NADK: variants seen among roughly 807,000 people sequenced by gnomAD.
The protein encoded by NADK is NAD kinase.
Under a neutral mutation model 49.8 loss-of-function variants are expected in NADK, and 22 were observed. The ratio of observed to expected loss-of-function variants is 0.44; its 90% CI spans 0.32 to 0.63. The LOEUF (loss-of-function observed/expected upper bound fraction) is 0.63, where lower values mean the gene tolerates loss of function less well. Ranked by LOEUF, NADK falls within the 30% of genes least tolerant of loss-of-function variation. The probability of loss-of-function intolerance (pLI) is 0.06; values close to 1 mark genes in which losing one functional copy is unlikely to be tolerated. For synonymous variants in NADK, 268 were observed against 253.7 expected, an observed-to-expected ratio of 1.06 and a Z score of -0.54; for missense variants, 438 against 609.4, an observed-to-expected ratio of 0.72 and a Z score of 2.96.
rs1645460671 is a variant in NADK at position 1,754,861 on chromosome 1, A to G, written c.689-163T>C. On this transcript the variant is annotated intron_variant, in intron 7 of 11. Coordinates refer to ENST00000341426, the MANE Select transcript of NADK (RefSeq NM_023018.5). The surrounding 1 kb of genome is among the most constrained non-coding windows in gnomAD (Gnocchi z 4.3). ...TTTTGAGATGGAGTCTCACTCTGTCACCCAGGCTGGAATGCAGTGGTGTGA... is the reference window on the plus strand; with the variant it reads ...TTTTGAGATGGAGTCTCACTCTGTCGCCCAGGCTGGAATGCAGTGGTGTGA... The G allele has an allele frequency of 6.1e-6, 4 of 661,026 alleles. No individual in the cohort carries two copies. Among genetic ancestry groups the G allele is most frequent in the Non-Finnish European group, 7.4e-6 (3 of 403,400 alleles). 40.9% of individuals were successfully genotyped at this position (661,026 alleles called of 1,614,324 possible). A position where few individuals can be genotyped will look rare whatever the true frequency, so the allele number is the denominator to read the frequency against.
intron 1 of NADK, among the ~76,000 whole-genome samples, chr1:1,776,728 G>T (rs1570595875): frequency 7.2e-6 from 1 of 139,310 alleles, no homozygotes; most frequent in South Asian, 2.4e-4. Flanking sequence ...AGCCGAGATT[G>T]TGCCACTGCA....
At chr1:1,756,862 G>A (rs375539203) in intron 4 of NADK, 26 of 814,392 alleles carry the variant, frequency 3.2e-5, no homozygotes, top group African/African-American at 8.3e-5. Flanking sequence ...CCTGGGCGCC[G>A]CAACCCCCAC....
At chr1:1,773,676 TTGTGTG>T (rs57063985) in intron 1 of NADK, among the ~76,000 whole-genome samples, 14,211 of 116,526 alleles carry the variant, frequency 0.12, 946 homozygotes, top group South Asian at 0.22. Context: ...AAGCTCTATT[TTGTGTG>T]TGTGTGTGTG....
At chr1:1,759,894 G>C in intron 3 of NADK, 1 of 1,550,680 alleles carries the variant, frequency 6.4e-7, no homozygotes, top group South Asian at 1.2e-5. Context: ...GAGTGACAAA[G>C]GAGTGGCTCT....
In NADK at chr1:1,754,034, G is replaced by C; in HGVS notation, c.1101+17C>G. 6.4e-7 allele frequency: 1 copy of C among 1,556,148 alleles called. No homozygotes were observed. Reference sequence around the variant, plus strand: ...AAATGACTCACAAACCGGAAAAGGAGTGTCGTTGGCTCTGACCTTCAGCTC... The same window carrying C: ...AAATGACTCACAAACCGGAAAAGGACTGTCGTTGGCTCTGACCTTCAGCTC... On this transcript the variant is annotated intron_variant, in intron 10 of 11. Transcript: ENST00000341426. This position sits in a 1 kb window ranked among gnomAD's most constrained non-coding sequence, Gnocchi z 4.3.
intron 1 of NADK, among the ~76,000 whole-genome samples, chr1:1,768,861 A>G (rs1156542022): frequency 1.3e-5 from 2 of 152,202 alleles, no homozygotes; most frequent in East Asian, 3.8e-4. Flanking sequence ...TTCAGGAACT[A>G]TGGACACAAG....
At chr1:1,762,168 G>A (rs1259615673) in intron 2 of NADK, 133 bp from the exon 3 acceptor site, 2 of 742,328 alleles carry the variant, frequency 2.7e-6, no homozygotes, top group Non-Finnish European at 4.5e-6. Flanking sequence ...CTGCCCAGCA[G>A]CCACACAATA....
At chr1:1,755,580 A>G (rs1570507542) in intron 6 of NADK, 104 bp from the exon 7 acceptor site, 2 of 831,520 alleles carry the variant, frequency 2.4e-6, no homozygotes, top group Admixed American at 3.9e-5. Flanking sequence ...TGGGGACAGC[A>G]CCCCGACCCT....
chr1:1,760,031 T>C, intron 3 of NADK: 1 of 991,404 alleles, frequency 1.0e-6, no homozygotes, highest in Non-Finnish European at 1.5e-6. Context: ...AGTGGAGCAC[T>C]CTGGGTCACC....
intron 1 of NADK, among the ~76,000 whole-genome samples, chr1:1,767,525 A>G (rs1645923752): frequency 6.6e-6 from 1 of 152,218 alleles, no homozygotes; most frequent in African/African-American, 2.4e-5. Flanking sequence ...GCACAGAAAC[A>G]ATAAAAATCA....
Position 1,752,422 on chromosome 1 carries a change from G to C in NADK, c.*482C>G, listed in dbSNP as rs1645354272. On this transcript the variant is annotated 3_prime_UTR_variant, in exon 12 of 12. Transcript: ENST00000341426. The stretch of plus-strand genomic sequence containing the variant: ...CCTTGCCAGCCACTGGCAAGACCAT[G>C]CTTTCAATGGCGCCTCCGCCAGGGG... 1 of 154,312 alleles carries C rather than the reference G, an allele frequency of 6.5e-6. No individual in the cohort carries two copies. 9.6% of individuals were successfully genotyped at this position (154,312 alleles called of 1,614,324 possible).
At chr1:1,770,043 T>C (rs921724132) in intron 1 of NADK, among the ~76,000 whole-genome samples, 1 of 151,940 alleles carries the variant, frequency 6.6e-6, no homozygotes, top group Non-Finnish European at 1.5e-5. Context: ...GGTGGGCACC[T>C]GTAACTCCAG....
intron 6 of NADK, 186 bp downstream of exon 6, chr1:1,756,072 C>T (rs1645509726): frequency 1.6e-6 from 1 of 632,458 alleles, no homozygotes; most frequent in African/African-American, 1.8e-5. Context: ...AGCACTGTGT[C>T]CACACTGCCC....
chr1:1,768,686 A>G (rs1222511037), intron 1 of NADK, among the ~76,000 whole-genome samples: 1 of 152,156 alleles, frequency 6.6e-6, no homozygotes, highest in East Asian at 1.9e-4. Context: ...CGATGAACCA[A>G]ATTAGCTGGG....
intron 3 of NADK, 51 bp downstream of exon 3, chr1:1,761,900 TA>T: frequency 6.4e-7 from 1 of 1,551,292 alleles, no homozygotes; most frequent in Non-Finnish European, 8.9e-7. Context: ...CATGATGGTC[TA>T]GGGGTTCTCT....
chr1:1,761,648 T>C (rs1413286950), intron 3 of NADK: 1 of 307,520 alleles, frequency 3.3e-6, no homozygotes, highest in Non-Finnish European at 6.4e-6. Flanking sequence ...TGTGACCCGG[T>C]CTCCAGGCCC....
intron 3 of NADK, chr1:1,761,579 T>A (rs1464976629): frequency 4.7e-6 from 1 of 211,246 alleles, no homozygotes; most frequent in Non-Finnish European, 9.9e-6. Context: ...TCACTCACTC[T>A]TAAAGAAACA....
Position 1,752,840 on chromosome 1 carries a change from T to C in NADK, c.*64A>G, listed in dbSNP as rs1645367294. The C allele has an allele frequency of 1.3e-6, 2 of 1,541,824 alleles. No homozygotes were observed. The highest frequency in any genetic ancestry group is 1.8e-6 in the Non-Finnish European group (2 of 1,133,682). On this transcript the variant is annotated 3_prime_UTR_variant, in exon 12 of 12. Coordinates refer to ENST00000341426, the MANE Select transcript of NADK (RefSeq NM_023018.5). The stretch of plus-strand genomic sequence containing the variant: ...CAGGCGGTCACAGACACACGCAGAT[T>C]GGTCTGTCCCCAGAGGGCGCTTGGA...
At position 1,754,538 on chromosome 1, in the gene NADK, A is replaced by G. The variant is rs1208957208; in HGVS notation, c.843+6T>C. On this transcript the variant is annotated splice_donor_region_variant and intron_variant, in intron 8 of 11. Transcript: ENST00000341426. The surrounding 1 kb of genome is among the most constrained non-coding windows in gnomAD (Gnocchi z 4.3). The stretch of plus-strand genomic sequence containing the variant: ...CCCTCACCGAGGCCGAGGCGCCTCC[A>G]CTCACCTGGTACTGCATGGCCTGCT... 3.7e-6 allele frequency: 6 copies of G among 1,607,764 alleles called. No homozygotes were observed. The East Asian group carries it at 1.1e-4, about 30-fold the overall frequency.
Sources: gnomAD v4.1 joint callset for allele counts (sites outside exome capture counted in the v4.1 genomes callset) on GRCh38, gnomAD v4.1.1 for gene constraint, Gnocchi (gnomAD v3.1) non-coding constraint, MANE v1.5 for transcripts, NCBI Gene and HGNC (gene_info 2026-07-23, HGNC 2026-07-21) for gene names.